CLNK: variants seen among roughly 807,000 people sequenced by gnomAD.
CLNK encodes the protein cytokine-dependent hematopoietic cell linker.
CLNK carries 74 observed loss-of-function variants against 68.6 expected under a neutral mutation model. The ratio of observed to expected loss-of-function variants is 1.08; its 90% confidence interval spans 0.89 to 1.31. The LOEUF (loss-of-function observed/expected upper bound fraction) is 1.31, where lower values mean the gene tolerates loss of function less well. Ranked by LOEUF, CLNK falls within the 50% of genes most tolerant of loss-of-function variation. The pLI, the probability that CLNK is intolerant of heterozygous loss-of-function variation, is 0.00. For synonymous variants in CLNK, 198 were observed against 172.2 expected (o/e 1.15, Z -1.17); for missense variants, 553 against 515.3 (o/e 1.07, Z -0.71).
the CLNK span, among the ~76,000 whole-genome samples, chr4:10,699,522 T>A: frequency 7.9e-6 from 1 of 126,296 alleles, no homozygotes; most frequent in African/African-American, 3.4e-5. Flanking sequence ...ATTTTTTTTT[T>A]TTTTTTTCTG....
chr4:10,664,468 A>G (rs1000861364), intron 2 of CLNK, among the ~76,000 whole-genome samples: 2 of 152,192 alleles, frequency 1.3e-5, no homozygotes, highest in African/African-American at 2.4e-5. Flanking sequence ...TTTCCAAACT[A>G]CACTCACACC....
At chr4:10,510,425 T>G (rs1253620870) in intron 16 of CLNK, among the ~76,000 whole-genome samples, 1 of 152,216 alleles carries the variant, frequency 6.6e-6, no homozygotes, top group African/African-American at 2.4e-5. Context: ...ATAGCGTGTT[T>G]TGTTTGCGTT....
chr4:10,643,132 G>A (rs1723373645), intron 2 of CLNK, among the ~76,000 whole-genome samples: 1 of 152,172 alleles, frequency 6.6e-6, no homozygotes, highest in Non-Finnish European at 1.5e-5. Flanking sequence ...TCTGCTGGCT[G>A]TGTTTCTAAA....
intron 2 of CLNK, among the ~76,000 whole-genome samples, chr4:10,607,914 T>C (rs934374314): frequency 9.2e-5 from 14 of 152,338 alleles, no homozygotes; most frequent in African/African-American, 3.4e-4. Context: ...GGTGAGGCTG[T>C]TTCATGTTGT....
At chr4:10,703,233 G>A in the CLNK span, among the ~76,000 whole-genome samples, 5 of 152,054 alleles carry the variant, frequency 3.3e-5, no homozygotes, top group Non-Finnish European at 7.4e-5. Flanking sequence ...CTACACTAAC[G>A]TAGTTATGAA....
chr4:10,707,183 G>T, the CLNK span, among the ~76,000 whole-genome samples: 1 of 152,088 alleles, frequency 6.6e-6, no homozygotes, highest in African/African-American at 2.4e-5. Flanking sequence ...TAGAAGAATT[G>T]TCTTGGACCA....
At chr4:10,558,566 T>C (rs771282082) in intron 7 of CLNK, 114 bp from the exon 8 acceptor site, 7 of 916,354 alleles carry the variant, frequency 7.6e-6, no homozygotes, top group Non-Finnish European at 1.2e-5. Context: ...GTCCCTGGGC[T>C]CTCTGGTTTT....
Position 10,524,816 on chromosome 4 carries a change from G to T in CLNK, c.731+1025C>A, listed in dbSNP as rs560445675. Among the ~76,000 whole-genome samples, 4 of 152,248 alleles carry T rather than the reference G, an allele frequency of 2.6e-5. No individual in the cohort carries two copies. The East Asian group carries it at 5.8e-4, about 22-fold the overall frequency. On this transcript the variant is annotated intron_variant, in intron 14 of 18. Transcript: ENST00000226951. The stretch of plus-strand genomic sequence containing the variant: ...GGAGAGGGTGGAGAGGAGCAAATAC[G>T]GGGGGAGGGGCTACAGGCAGGAGAG...
intron 2 of CLNK, among the ~76,000 whole-genome samples, chr4:10,666,371 T>C (rs549748344): frequency 6.6e-6 from 1 of 152,232 alleles, no homozygotes; most frequent in Non-Finnish European, 1.5e-5. Flanking sequence ...ATTTGCCACG[T>C]TTATCCCCAG....
intron 2 of CLNK, among the ~76,000 whole-genome samples, chr4:10,614,422 C>T (rs565645451): frequency 7.9e-5 from 12 of 152,244 alleles, no homozygotes; most frequent in Middle Eastern, 3.4e-3. Context: ...TCTCCAGGAA[C>T]TCTCCTCCGC....
Position 10,581,861 on chromosome 4 carries a change from G to C in CLNK, c.112+3066C>G, listed in dbSNP as rs77874547. On this transcript the variant is annotated intron_variant, in intron 4 of 18. Transcript: ENST00000226951. ...AGAGAACAGCTTCTTGGTGGGAACA[G>C]TCTGGATAGTTTTCTTCTCTCTCTC... 3.1e-3 allele frequency among the ~76,000 whole-genome samples: 479 copies of C among 152,232 alleles called. 1 individual carries two copies. The highest frequency in any genetic ancestry group is 5.3e-3 in the Non-Finnish European group (360 of 68,024).
chr4:10,519,780 A>G (rs777675200), intron 15 of CLNK, among the ~76,000 whole-genome samples: 2 of 152,176 alleles, frequency 1.3e-5, no homozygotes, highest in Non-Finnish European at 2.9e-5. Flanking sequence ...AAAAAAGGAC[A>G]TTAAAATGTA....
At chr4:10,626,279 C>T (rs1722671791) in intron 2 of CLNK, among the ~76,000 whole-genome samples, 1 of 152,190 alleles carries the variant, frequency 6.6e-6, no homozygotes, top group African/African-American at 2.4e-5. Context: ...CACCAGGATG[C>T]CTGGATTTTA....
chr4:10,531,608 A>C (rs1718544599), intron 12 of CLNK: 1 of 376,572 alleles, frequency 2.7e-6, no homozygotes, highest in African/African-American at 2.1e-5. Flanking sequence ...CACCTGGCTA[A>C]TTTTGTATTT....
upstream of CLNK, among the ~76,000 whole-genome samples, chr4:10,688,574 T>C (rs1387024977): frequency 1.3e-5 from 2 of 152,168 alleles, no homozygotes; most frequent in African/African-American, 2.4e-5. Flanking sequence ...GTTACACTAA[T>C]TGGATAAATG....
the CLNK span, among the ~76,000 whole-genome samples, chr4:10,699,512 A>ATATTTTTTT: frequency 6.1e-4 from 20 of 32,736 alleles, 1 homozygote; most frequent in East Asian, 1.8e-3. Context: ...ATATATATAT[A>ATATTTTTTT]TTTTTTTTTT....
chr4:10,507,434 GTTTT>G (rs757601314), intron 17 of CLNK, among the ~76,000 whole-genome samples: 14 of 134,788 alleles, frequency 1.0e-4, no homozygotes, highest in South Asian at 4.9e-4. Context: ...TTTGTTTTCT[GTTTT>G]TATTTATTTA....
rs531651017 is a variant in CLNK at position 10,594,309 on chromosome 4, C to T, written c.83+3669G>A. On this transcript the variant is annotated intron_variant, in intron 3 of 18. Transcript: ENST00000226951. ...CCTCTGCCTTCCATCTTCCTCCCTC[C>T]ACCCCACTCACTGTCACTTAGCGAG... 3.3e-5 allele frequency among the ~76,000 whole-genome samples: 5 copies of T among 152,346 alleles called. No individual in the cohort carries two copies. The South Asian group carries it at 1.0e-3, about 32-fold the overall frequency.
the CLNK span, among the ~76,000 whole-genome samples, chr4:10,716,686 C>CTTTTTTTTTTTT: frequency 7.5e-6 from 1 of 132,922 alleles, no homozygotes. Context: ...AGACAGAAAA[C>CTTTTTTTTTTTT]TTTTTTTTTT....
Sources: gnomAD v4.1 joint callset for allele counts (sites outside exome capture counted in the v4.1 genomes callset) on GRCh38, gnomAD v4.1.1 for gene constraint, MANE v1.5 for transcripts, NCBI Gene and HGNC (gene_info 2026-07-23, HGNC 2026-07-21) for gene names.